The following COL28A1 variants were observed in gnomAD, a reference collection of about 807,000 sequenced individuals.
The protein encoded by COL28A1 is collagen type XXVIII alpha 1 chain, also known as collagen alpha-1(XXVIII) chain.
COL28A1 carries 161 observed loss-of-function variants against 150.2 expected under a neutral mutation model. That is an observed-to-expected ratio of 1.07 (90% CI 0.94 to 1.22). The LOEUF (loss-of-function observed/expected upper bound fraction) is 1.22. Among genes scored for constraint, COL28A1 ranks in the 50% most tolerant of loss-of-function variants. COL28A1 has a pLI of 0.00. For missense variants in COL28A1, 1,617 were observed against 1,388.3 expected (o/e 1.16, Z -2.62); for synonymous variants, 552 against 469.7 (o/e 1.18, Z -2.26).
upstream of COL28A1, among the ~76,000 whole-genome samples, chr7:7,537,364 G>A (rs61053241): frequency 6.0e-3 from 915 of 152,250 alleles, 10 homozygotes; most frequent in African/African-American, 0.021. Flanking sequence ...ACAGACATGG[G>A]GAAAACATGT....
chr7:7,493,595 G>T (rs922623038), intron 11 of COL28A1, among the ~76,000 whole-genome samples: 2 of 151,982 alleles, frequency 1.3e-5, no homozygotes, highest in African/African-American at 4.8e-5. Context: ...TTTATTTCTC[G>T]GGAGCCTGGT....
chr7:7,449,225 T>A (rs1249123275), intron 18 of COL28A1, among the ~76,000 whole-genome samples: 1 of 152,124 alleles, frequency 6.6e-6, no homozygotes, highest in Non-Finnish European at 1.5e-5. Context: ...ATTGAGTTTA[T>A]CTCAAGAATG....
rs1311892317 is a variant in COL28A1 at position 7,416,818 on chromosome 7, T to G, written c.2136+1041A>C. On this transcript the variant is annotated intron_variant, in intron 27 of 34. Coordinates refer to ENST00000399429, the MANE Select transcript of COL28A1 (RefSeq NM_001037763.3). ...TAAGCTTACTCTCTCTACACAGAAG[T>G]AGGCAGTTTAATTTCAACACAGGAT... Among the ~76,000 whole-genome samples, 3 of 152,180 alleles carry G rather than the reference T, an allele frequency of 2.0e-5. No individual in the cohort carries two copies. In the East Asian group the frequency reaches 5.8e-4, roughly 29 times the overall value.
rs971102571 is a variant in COL28A1 at position 7,373,860 on chromosome 7, T to C, written c.2360-314A>G. Among the ~76,000 whole-genome samples the C allele has an allele frequency of 1.5e-4, 22 of 151,432 alleles. 1 individual carries two copies. In the South Asian group the frequency reaches 1.9e-3, roughly 13 times the overall value. ...GACTACAGGCGCCCGCCACCTCGCC[T>C]GGCTAATTTTTTGTATTTTTAGTAG... On this transcript the variant is annotated intron_variant, in intron 31 of 34. Transcript: ENST00000399429. The surrounding 1 kb of genome is among the most constrained non-coding windows in gnomAD (Gnocchi z 4.1).
In COL28A1 at chr7:7,358,508, T is replaced by C. The variant is rs1011010478; in HGVS notation, c.*125A>G. ...TACATCCTAGGGCTGTAGTGAGAAT[T>C]CAATTACATGTATAAGTTGTAAATA... is the stretch of plus-strand genomic sequence containing the variant. On this transcript the variant is annotated 3_prime_UTR_variant, in exon 35 of 35. Transcript: ENST00000399429. 3 of 871,366 alleles carry C rather than the reference T, an allele frequency of 3.4e-6. No individual in the cohort carries two copies. The highest frequency in any genetic ancestry group is 5.4e-6 in the Non-Finnish European group (3 of 555,664). 54.0% of individuals were successfully genotyped at this position (871,366 alleles called of 1,614,324 possible). A position where few individuals can be genotyped will look rare whatever the true frequency, so the allele number is the denominator to read the frequency against.
chr7:7,391,865 A>T (rs1782565698), intron 27 of COL28A1, among the ~76,000 whole-genome samples: 1 of 130,470 alleles, frequency 7.7e-6, no homozygotes, highest in Non-Finnish European at 1.6e-5. Flanking sequence ...CTTTATTTTG[A>T]GCCTATGTGT....
At chr7:7,520,219 T>G in intron 5 of COL28A1, 104 bp from the exon 6 acceptor site, 3 of 598,526 alleles carry the variant, frequency 5.0e-6, no homozygotes, top group Non-Finnish European at 8.6e-6. Flanking sequence ...GAGGGAGAAT[T>G]GTAAAACCTT....
At chr7:7,460,644 A>T (rs1432087059) in intron 15 of COL28A1, among the ~76,000 whole-genome samples, 4 of 152,212 alleles carry the variant, frequency 2.6e-5, no homozygotes, top group Admixed American at 2.0e-4. Flanking sequence ...AGCCTCCCAA[A>T]GTGCTGGGAT....
downstream of COL28A1, among the ~76,000 whole-genome samples, chr7:7,354,970 C>A (rs1450243901): frequency 1.3e-5 from 2 of 152,058 alleles, no homozygotes; most frequent in African/African-American, 4.8e-5. Context: ...CACTTTTGTC[C>A]TAAGGACATT....
intron 27 of COL28A1, among the ~76,000 whole-genome samples, chr7:7,406,347 C>G (rs1413086568): frequency 6.6e-6 from 1 of 152,156 alleles, no homozygotes; most frequent in African/African-American, 2.4e-5. Context: ...TCCATACATT[C>G]ATTCAAGTGT....
chr7:7,532,881 T>C lies in COL28A1; in HGVS notation c.-6A>G. ...ACAAAATATCTGTTCCACATTATGG[T>C]AGATGGTGAAAAATCATCTGTCTTG... On this transcript the variant is annotated 5_prime_UTR_variant, in exon 2 of 35. Transcript: ENST00000399429. The C allele has an allele frequency of 4.4e-6, 7 of 1,593,460 alleles. No individual in the cohort carries two copies. Among genetic ancestry groups the C allele is most frequent in the East Asian group, 4.5e-5 (2 of 44,676 alleles).
chr7:7,536,535 C>A (rs765796050), upstream of COL28A1, among the ~76,000 whole-genome samples: 3 of 152,102 alleles, frequency 2.0e-5, no homozygotes, highest in African/African-American at 7.2e-5. Flanking sequence ...GGTTTTTCCA[C>A]TCCCTGTTTC....
At chr7:7,475,026 C>A (rs1341477246) in intron 14 of COL28A1, among the ~76,000 whole-genome samples, 1 of 152,112 alleles carries the variant, frequency 6.6e-6, no homozygotes, top group Non-Finnish European at 1.5e-5. Context: ...CTTAATATTG[C>A]TGAAACTGGG....
chr7:7,472,009 A>G (rs931115782), intron 15 of COL28A1, among the ~76,000 whole-genome samples: 1 of 152,228 alleles, frequency 6.6e-6, no homozygotes, highest in Non-Finnish European at 1.5e-5. Context: ...ATTGGCATAC[A>G]AGGAGCATAC....
Position 7,440,785 on chromosome 7 carries a change from C to A in COL28A1, c.1722+5G>T. On this transcript the variant is annotated splice_donor_5th_base_variant and intron_variant, in intron 21 of 34. Coordinates refer to ENST00000399429, the MANE Select transcript of COL28A1 (RefSeq NM_001037763.3). The stretch of plus-strand genomic sequence containing the variant: ...AAAGCGTAAGTCAGAATACAAGAAA[C>A]ATACCTTTGGTCCTTCGGGCCCTGG... 7.4e-7 allele frequency: 1 copy of A among 1,344,384 alleles called. No homozygotes were observed. The highest frequency in any genetic ancestry group is 1.1e-6 in the Non-Finnish European group (1 of 939,870). The allele number at this position is 1,344,384 out of a possible 1,614,324, so 83.3% of individuals were successfully genotyped here.
intron 23 of COL28A1, among the ~76,000 whole-genome samples, chr7:7,433,358 G>T (rs549056263): frequency 6.6e-6 from 1 of 151,962 alleles, no homozygotes; most frequent in Admixed American, 6.6e-5. Context: ...ACAAGTGGCC[G>T]GGTGCGGTGG....
At chr7:7,520,618 A>C (rs1409004393) in intron 5 of COL28A1, among the ~76,000 whole-genome samples, 1 of 152,168 alleles carries the variant, frequency 6.6e-6, no homozygotes, top group Non-Finnish European at 1.5e-5. Context: ...GTTCCAGAAA[A>C]GCATTTTGTT....
chr7:7,414,698 C>A (rs565216696), intron 27 of COL28A1, among the ~76,000 whole-genome samples: 8 of 152,334 alleles, frequency 5.3e-5, no homozygotes, highest in African/African-American at 1.7e-4. Context: ...TCTACTCCCA[C>A]ATTCCTTCCA....
chr7:7,523,942 A>G (rs189452025), intron 4 of COL28A1, among the ~76,000 whole-genome samples: 1 of 152,306 alleles, frequency 6.6e-6, no homozygotes, highest in East Asian at 1.9e-4. Context: ...AGAATAAAGG[A>G]AGCACATCAA....
Sources: allele counts gnomAD v4.1 joint callset (sites outside exome capture counted in the v4.1 genomes callset), GRCh38; gene constraint gnomAD v4.1.1; non-coding constraint Gnocchi (gnomAD v3.1); transcripts MANE v1.5; gene names NCBI Gene and HGNC (gene_info 2026-07-23, HGNC 2026-07-21).